The following RBM47 variants were observed in gnomAD, a reference collection of about 807,000 sequenced individuals.
RBM47 encodes RNA-binding protein 47.
A neutral mutation model predicts 47.1 loss-of-function variants in RBM47; 21 were observed. That is an observed-to-expected ratio of 0.45 (90% CI 0.32 to 0.64). The LOEUF is 0.64. Among genes scored for constraint, RBM47 ranks in the 30% least tolerant of loss-of-function variants. The pLI is 0.05. For synonymous variants in RBM47, 375 were observed against 361.7 expected (o/e 1.04, Z -0.42); for missense variants, 708 against 870.9 (o/e 0.81, Z 2.35).
chr4:40,591,383 TAAGAAAATC>T (rs1734120725), intron 1 of RBM47, among the ~76,000 whole-genome samples: 1 of 152,124 alleles, frequency 6.6e-6, no homozygotes, highest in African/African-American at 2.4e-5. Flanking sequence ...ACATCTGGGA[TAAGAAAATC>T]AGATATGTGA....
chr4:40,575,552 C>CAAAAAAAAAAAAAAAAAAAAAAAA (rs33963787), intron 1 of RBM47, among the ~76,000 whole-genome samples: 1 of 98,362 alleles, frequency 1.0e-5, no homozygotes, highest in African/African-American at 3.5e-5. Flanking sequence ...AACTCCATCT[C>CAAAAAAAAAAAAAAAAAAAAAAAA]AAAAAAAAAA....
chr4:40,561,601 G>A (rs1333666063), intron 1 of RBM47, among the ~76,000 whole-genome samples: 1 of 145,140 alleles, frequency 6.9e-6, no homozygotes, highest in Non-Finnish European at 1.5e-5. Flanking sequence ...CCAGGCTTGA[G>A]TACGGTGGTG....
At position 40,527,130 on chromosome 4, in the gene RBM47, T is replaced by A. The variant is rs570170125; in HGVS notation, c.-155+17292A>T. On this transcript the variant is annotated intron_variant, in intron 2 of 6. Transcript: ENST00000295971. ...TTTTGTGTTTGTTTTATTTTATTTTTTTGAGACAGTCTCACTCTCTCTTGC... is the reference window on the plus strand; with the variant it reads ...TTTTGTGTTTGTTTTATTTTATTTTATTGAGACAGTCTCACTCTCTCTTGC... 2.3e-3 allele frequency among the ~76,000 whole-genome samples: 346 copies of A among 152,272 alleles called. 1 individual carries two copies. The highest frequency in any genetic ancestry group is 8.0e-3 in the African/African-American group (334 of 41,558).
At chr4:40,449,373 C>A (rs1268540237) in intron 3 of RBM47, among the ~76,000 whole-genome samples, 3 of 152,194 alleles carry the variant, frequency 2.0e-5, no homozygotes, top group Non-Finnish European at 4.4e-5. Context: ...ACCCCTCGCT[C>A]ATCTGAGAAA....
At chr4:40,584,463 C>A (rs1733339825) in intron 1 of RBM47, among the ~76,000 whole-genome samples, 1 of 152,182 alleles carries the variant, frequency 6.6e-6, no homozygotes, top group African/African-American at 2.4e-5. Context: ...AAACAGGTGA[C>A]AATTTTAATA....
At chr4:40,436,963 G>A in intron 4 of RBM47, 1 of 462,018 alleles carries the variant, frequency 2.2e-6, no homozygotes, top group Non-Finnish European at 4.2e-6. Context: ...ACTGTGGCCA[G>A]GTGTGGTGTC....
At chr4:40,522,857 T>C (rs942486536) in intron 2 of RBM47, among the ~76,000 whole-genome samples, 1 of 152,160 alleles carries the variant, frequency 6.6e-6, no homozygotes, top group Non-Finnish European at 1.5e-5. Context: ...ACTATTATTC[T>C]TGTTAAAGGA....
At chr4:40,479,581 G>A (rs1720092916) in intron 2 of RBM47, among the ~76,000 whole-genome samples, 1 of 152,038 alleles carries the variant, frequency 6.6e-6, no homozygotes, top group African/African-American at 2.4e-5. Flanking sequence ...ATGACAGAGT[G>A]AGATCCTGTC....
chr4:40,429,688 C>CAAAAAAA (rs60673202), intron 6 of RBM47, among the ~76,000 whole-genome samples: 7 of 38,100 alleles, frequency 1.8e-4, no homozygotes, highest in African/African-American at 8.4e-4. Flanking sequence ...GACTCCATCT[C>CAAAAAAA]AAAAAAAAAA....
chr4:40,590,412 C>A lies in RBM47; in HGVS notation c.-240+38984G>T, dbSNP rs570337673. Among the ~76,000 whole-genome samples the A allele has an allele frequency of 2.7e-3, 413 of 151,934 alleles. 2 individuals are homozygous for A. Among genetic ancestry groups the A allele is most frequent in the African/African-American group, 8.0e-3 (333 of 41,458 alleles). ...TCTTTTTAAAAAAAAAACAAAAAAA[C>A]CCCACAAAGACTGGGCAAGACAACA... On this transcript the variant is annotated intron_variant, in intron 1 of 6. Transcript: ENST00000295971.
chr4:40,568,154 C>T (rs749683579), intron 1 of RBM47, among the ~76,000 whole-genome samples: 2 of 151,704 alleles, frequency 1.3e-5, no homozygotes, highest in Non-Finnish European at 2.9e-5. Context: ...GGCATGGTGG[C>T]TCACATGCCA....
At chr4:40,504,290 CTTTTTTTTTT>C (rs35482960) in intron 2 of RBM47, among the ~76,000 whole-genome samples, 2 of 128,264 alleles carry the variant, frequency 1.6e-5, no homozygotes, top group African/African-American at 5.8e-5. Flanking sequence ...TTGTTTCCTT[CTTTTTTTTTT>C]TTTTTTTTGA....
chr4:40,529,861 T>C (rs976395483), intron 2 of RBM47, among the ~76,000 whole-genome samples: 3 of 142,108 alleles, frequency 2.1e-5, no homozygotes, highest in South Asian at 4.5e-4. Flanking sequence ...AATAAATAAA[T>C]AAATAAATAA....
chr4:40,608,549 C>T (rs2154278774), intron 1 of RBM47, among the ~76,000 whole-genome samples: 1 of 152,236 alleles, frequency 6.6e-6, no homozygotes, highest in Middle Eastern at 3.4e-3. Flanking sequence ...AGTATTAAGA[C>T]CAAGTACGAA....
intron 4 of RBM47, among the ~76,000 whole-genome samples, chr4:40,437,073 CAA>C (rs750922605): frequency 0.15 from 3,136 of 21,108 alleles, 414 homozygotes; most frequent in Admixed American, 0.32. Context: ...GACCCTGTCT[CAA>C]AAAAAAAAAA....
chr4:40,603,130 C>G (rs144260275), intron 1 of RBM47, among the ~76,000 whole-genome samples: 2,421 of 152,254 alleles, frequency 0.016, 32 homozygotes, highest in Non-Finnish European at 0.025. Context: ...CATCGCCCAC[C>G]AAAGGTTGAC....
chr4:40,457,782 G>A lies in RBM47; in HGVS notation c.-32+8795C>T, dbSNP rs189098559. On this transcript the variant is annotated intron_variant, in intron 3 of 6. Transcript: ENST00000295971. The stretch of plus-strand genomic sequence containing the variant: ...ACTTCTTAAATTTTACTATCACATT[G>A]GGGATTAAGTTTAAAAAAATTTTCT... 7.9e-5 allele frequency among the ~76,000 whole-genome samples: 12 copies of A among 152,098 alleles called. No homozygotes were observed. In the East Asian group the frequency reaches 2.1e-3, roughly 27 times the overall value.
intron 4 of RBM47, among the ~76,000 whole-genome samples, chr4:40,437,560 C>T (rs1327666971): frequency 2.0e-5 from 3 of 152,138 alleles, no homozygotes; most frequent in African/African-American, 4.8e-5. Flanking sequence ...TACCGCTCAC[C>T]CCAGAACGAT....
At chr4:40,602,465 T>G (rs531728543) in intron 1 of RBM47, among the ~76,000 whole-genome samples, 67 of 151,558 alleles carry the variant, frequency 4.4e-4, no homozygotes, top group Non-Finnish European at 8.1e-4. Flanking sequence ...CTGGCCAACA[T>G]GGTGAAACCC....
Sources: gnomAD v4.1 joint callset for allele counts (sites outside exome capture counted in the v4.1 genomes callset) on GRCh38, gnomAD v4.1.1 for gene constraint, MANE v1.5 for transcripts, NCBI Gene and HGNC (gene_info 2026-07-23, HGNC 2026-07-21) for gene names.